Variants in PTPRG observed in about 807,000 individuals in gnomAD.
PTPRG encodes receptor-type tyrosine-protein phosphatase gamma.
A neutral mutation model predicts 165.3 loss-of-function variants in PTPRG; 102 were observed. That is an observed-to-expected ratio of 0.62 (90% CI 0.53 to 0.73). PTPRG has a LOEUF of 0.73. PTPRG is among the 30% of genes least tolerant of loss of function. The pLI is 0.00. For synonymous variants in PTPRG, 675 were observed against 669.5 expected (o/e 1.01, Z -0.13); for missense variants, 1,866 against 1,861.4 (o/e 1.00, Z -0.05).
chr3:61,642,936 C>G (rs1169813523), intron 1 of PTPRG, among the ~76,000 whole-genome samples: 1 of 152,096 alleles, frequency 6.6e-6, no homozygotes, highest in African/African-American at 2.4e-5. Flanking sequence ...TACTTTACCT[C>G]CAAGGAAGTA....
chr3:61,845,093 T>C (rs1440987197), intron 2 of PTPRG, among the ~76,000 whole-genome samples: 1 of 152,224 alleles, frequency 6.6e-6, no homozygotes, highest in African/African-American at 2.4e-5. Flanking sequence ...ATTCTCTTTC[T>C]TTTGGGTTTG....
intron 1 of PTPRG, among the ~76,000 whole-genome samples, chr3:61,590,519 A>G (rs1490957248): frequency 6.6e-6 from 1 of 151,922 alleles, no homozygotes; most frequent in African/African-American, 2.4e-5. Context: ...GCAAGACTCC[A>G]TCTCAAAAAA....
chr3:61,740,220 T>C (rs927007952), intron 1 of PTPRG, among the ~76,000 whole-genome samples: 1 of 152,222 alleles, frequency 6.6e-6, no homozygotes, highest in South Asian at 2.1e-4. Flanking sequence ...GGTAATATTA[T>C]AGAATCAGGA....
intron 2 of PTPRG, among the ~76,000 whole-genome samples, chr3:61,812,277 ACCATTCATTCATTCATTCATT>A (rs145765231): frequency 0.028 from 4,237 of 149,460 alleles, 182 homozygotes; most frequent in East Asian, 0.21. Flanking sequence ...AGTGGTCCTG[ACCATTCATTCATTCATTCATT>A]CATTCATTCA....
chr3:61,800,880 G>A (rs541417174), intron 2 of PTPRG, among the ~76,000 whole-genome samples: 2 of 152,144 alleles, frequency 1.3e-5, no homozygotes, highest in East Asian at 1.9e-4. Context: ...TGGACCTCAG[G>A]TGATCCACCC....
chr3:61,687,698 A>T (rs1703678790), intron 1 of PTPRG, among the ~76,000 whole-genome samples: 1 of 152,260 alleles, frequency 6.6e-6, no homozygotes, highest in Non-Finnish European at 1.5e-5. Flanking sequence ...AAATCTTTTT[A>T]TTAACACATT....
intron 3 of PTPRG, among the ~76,000 whole-genome samples, chr3:61,995,682 G>GCCCGCCCTCCTT: frequency 1.4e-5 from 1 of 72,800 alleles, no homozygotes; most frequent in Non-Finnish European, 2.8e-5. Flanking sequence ...CTGCCCGCCC[G>GCCCGCCCTCCTT]CCTTCCTTCC....
chr3:61,838,967 C>A (rs1275537787), intron 2 of PTPRG, among the ~76,000 whole-genome samples: 5 of 152,100 alleles, frequency 3.3e-5, no homozygotes, highest in African/African-American at 9.7e-5. Context: ...GTGAAGTTAG[C>A]ACATATTAAT....
chr3:61,825,848 G>A (rs1575696447), intron 2 of PTPRG, among the ~76,000 whole-genome samples: 1 of 152,028 alleles, frequency 6.6e-6, no homozygotes, highest in East Asian at 1.9e-4. Flanking sequence ...ATGAGGTTAT[G>A]CTATGTTGTC....
chr3:61,976,457 A>C (rs1314762932), intron 2 of PTPRG, among the ~76,000 whole-genome samples: 1 of 152,236 alleles, frequency 6.6e-6, no homozygotes, highest in Non-Finnish European at 1.5e-5. Flanking sequence ...GTAATGGAAG[A>C]GTTGTATAAA....
chr3:62,115,478 G>A (rs530763077), intron 5 of PTPRG, among the ~76,000 whole-genome samples: 2 of 152,172 alleles, frequency 1.3e-5, no homozygotes, highest in Non-Finnish European at 2.9e-5. Context: ...AGGAAAGACC[G>A]TGAAACTCAT....
At chr3:61,808,926 AT>A (rs1028649075) in intron 2 of PTPRG, among the ~76,000 whole-genome samples, 4 of 150,718 alleles carry the variant, frequency 2.7e-5, no homozygotes, top group African/African-American at 9.8e-5. Context: ...TACCATTAAA[AT>A]TTTTAAAAAA....
At chr3:61,717,732 T>C (rs1383424924) in intron 1 of PTPRG, among the ~76,000 whole-genome samples, 1 of 151,582 alleles carries the variant, frequency 6.6e-6, no homozygotes, top group East Asian at 2.0e-4. Flanking sequence ...CAGATTGCAG[T>C]GAGCTGAGTT....
chr3:62,058,327 T>G (rs973872548), intron 4 of PTPRG, among the ~76,000 whole-genome samples: 6 of 152,070 alleles, frequency 3.9e-5, no homozygotes, highest in Non-Finnish European at 5.9e-5. Context: ...GGATATGCAC[T>G]TATTTATTAT....
intron 1 of PTPRG, among the ~76,000 whole-genome samples, chr3:61,634,146 C>T (rs949262684): frequency 1.3e-5 from 2 of 151,872 alleles, no homozygotes; most frequent in African/African-American, 4.8e-5. Flanking sequence ...GAACGCCTGG[C>T]CTCAAGAGAT....
At chr3:61,568,356 T>G (rs1699973176) in intron 1 of PTPRG, among the ~76,000 whole-genome samples, 1 of 152,216 alleles carries the variant, frequency 6.6e-6, no homozygotes. Flanking sequence ...CAGATAAATT[T>G]GTGGTTAACT....
intron 2 of PTPRG, among the ~76,000 whole-genome samples, chr3:61,952,847 T>C (rs2107627353): frequency 6.6e-6 from 1 of 152,276 alleles, no homozygotes; most frequent in South Asian, 2.1e-4. Context: ...CACCACTAAA[T>C]AGTAATCTCT....
At position 61,721,678 on chromosome 3, in the gene PTPRG, T is replaced by C. The variant is rs193189757; in HGVS notation, c.86-27200T>C. The stretch of plus-strand genomic sequence containing the variant: ...AAAAAGTTCCTGGAGAACTTTTTTT[T>C]CCCTTAAAATCCATAGAGGTCATCC... On this transcript the variant is annotated intron_variant, in intron 1 of 29. Transcript: ENST00000474889. Among the ~76,000 whole-genome samples, 95 of 152,288 alleles carry C rather than the reference T, an allele frequency of 6.2e-4. 1 individual carries two copies. The highest frequency in any genetic ancestry group is 6.8e-3 in the Middle Eastern group (2 of 294).
intron 1 of PTPRG, among the ~76,000 whole-genome samples, chr3:61,667,746 CT>C (rs1702849515): frequency 6.6e-6 from 1 of 150,802 alleles, no homozygotes; most frequent in Non-Finnish European, 1.5e-5. Context: ...TTGAATCTAA[CT>C]GGGAAACATA....
Sources: gnomAD v4.1 joint callset for allele counts (sites outside exome capture counted in the v4.1 genomes callset) on GRCh38, gnomAD v4.1.1 for gene constraint, MANE v1.5 for transcripts, NCBI Gene and HGNC (gene_info 2026-07-23, HGNC 2026-07-21) for gene names.